The following SLC25A21 variants were observed in gnomAD, a reference collection of about 807,000 sequenced individuals.
The protein encoded by SLC25A21 is solute carrier family 25 member 21, also known as mitochondrial 2-oxodicarboxylate carrier.
In SLC25A21, 47 loss-of-function variants were observed where a neutral mutation model predicts 43.8. That is an observed-to-expected ratio of 1.07 (90% confidence interval 0.85 to 1.37). SLC25A21 has a LOEUF of 1.37. Ranked by LOEUF, SLC25A21 falls within the 40% of genes most tolerant of loss-of-function variation. The probability of loss-of-function intolerance (pLI) is 0.00; values close to 1 mark genes in which losing one functional copy is unlikely to be tolerated. For missense variants in SLC25A21, 352 were observed against 350.2 expected, an observed-to-expected ratio of 1.00 and a Z score of -0.04; for synonymous variants, 131 against 121.3, an observed-to-expected ratio of 1.08 and a Z score of -0.52.
At chr14:37,121,065 T>A (rs191590894) in intron 1 of SLC25A21, among the ~76,000 whole-genome samples, 64 of 152,308 alleles carry the variant, frequency 4.2e-4, no homozygotes, top group African/African-American at 1.4e-3. Context: ...TTAAGTGACC[T>A]GAAGAAATGT....
chr14:37,171,666 AT>A (rs1336784530), intron 1 of SLC25A21, among the ~76,000 whole-genome samples: 2 of 152,066 alleles, frequency 1.3e-5, no homozygotes, highest in African/African-American at 4.8e-5. Flanking sequence ...TAATTACAAC[AT>A]TTTTTTCTAA....
At chr14:36,714,630 A>G (rs1229411781) in intron 6 of SLC25A21, among the ~76,000 whole-genome samples, 1 of 152,252 alleles carries the variant, frequency 6.6e-6, no homozygotes, top group Non-Finnish European at 1.5e-5. Flanking sequence ...TCCAGCCTAG[A>G]AAACACATTT....
intron 7 of SLC25A21, among the ~76,000 whole-genome samples, chr14:36,708,265 ATG>A (rs1883663660): frequency 6.6e-6 from 1 of 152,204 alleles, no homozygotes; most frequent in African/African-American, 2.4e-5. Flanking sequence ...GATGAACAAA[ATG>A]TATCTTTTAT....
At chr14:36,973,011 A>T (rs939572937) in intron 1 of SLC25A21, among the ~76,000 whole-genome samples, 3 of 119,926 alleles carry the variant, frequency 2.5e-5, no homozygotes, top group Non-Finnish European at 3.0e-5. Flanking sequence ...TTTTATTTTT[A>T]TTTATTTATT....
intron 1 of SLC25A21, among the ~76,000 whole-genome samples, chr14:37,025,996 G>A (rs139568836): frequency 7.1e-4 from 108 of 152,100 alleles, no homozygotes; most frequent in Admixed American, 1.1e-3. Flanking sequence ...GATGGGAGTC[G>A]GGAGCTAACC....
chr14:36,783,711 GA>G (rs1450357512), intron 3 of SLC25A21, among the ~76,000 whole-genome samples: 1 of 152,166 alleles, frequency 6.6e-6, no homozygotes, highest in East Asian at 1.9e-4. Context: ...TCTCTAGATA[GA>G]TTTTTTGCTC....
chr14:36,996,332 G>A lies in SLC25A21; in HGVS notation c.71-121328C>T, dbSNP rs1001343089. Among the ~76,000 whole-genome samples the A allele has an allele frequency of 5.9e-5, 9 of 151,960 alleles. No individual in the cohort carries two copies. In the South Asian group the frequency reaches 6.2e-4, roughly 11 times the overall value. ...GCCTTAACTAGGTCCTCACCTGGTC[G>A]GCATTAGATAAGAATTACTTTCTAT... On this transcript the variant is annotated intron_variant, in intron 1 of 9. Coordinates refer to ENST00000331299, the MANE Select transcript of SLC25A21 (RefSeq NM_030631.4).
intron 1 of SLC25A21, among the ~76,000 whole-genome samples, chr14:36,934,332 T>C (rs1484970589): frequency 1.3e-5 from 2 of 152,044 alleles, no homozygotes. Flanking sequence ...ATCTCTATAA[T>C]TGAAGTGCTG....
At chr14:36,818,875 CT>C (rs769339871) in intron 2 of SLC25A21, among the ~76,000 whole-genome samples, 39 of 152,280 alleles carry the variant, frequency 2.6e-4, no homozygotes, top group Admixed American at 1.6e-3. Flanking sequence ...ATTCTCTCTA[CT>C]TAGGGAGACA....
At chr14:36,861,299 A>G (rs1890059245) in intron 2 of SLC25A21, among the ~76,000 whole-genome samples, 1 of 152,218 alleles carries the variant, frequency 6.6e-6, no homozygotes, top group Admixed American at 6.5e-5. Flanking sequence ...ACAGAAAGGA[A>G]AAACAATCTT....
intron 2 of SLC25A21, among the ~76,000 whole-genome samples, chr14:36,850,089 G>A (rs547627276): frequency 8.3e-4 from 126 of 152,166 alleles, no homozygotes; most frequent in African/African-American, 2.9e-3. Flanking sequence ...TTTAGGGATG[G>A]GGTGCATATA....
At chr14:36,939,888 TAAG>T (rs1262600117) in intron 1 of SLC25A21, among the ~76,000 whole-genome samples, 1 of 152,096 alleles carries the variant, frequency 6.6e-6, no homozygotes, top group Non-Finnish European at 1.5e-5. Context: ...CTCACAGAAA[TAAG>T]AAGATCTGGT....
At chr14:36,918,214 C>T (rs1891884662) in intron 1 of SLC25A21, among the ~76,000 whole-genome samples, 1 of 152,044 alleles carries the variant, frequency 6.6e-6, no homozygotes, top group Non-Finnish European at 1.5e-5. Context: ...TTCAAAAAAC[C>T]TGAAACATCA....
chr14:36,814,053 C>T (rs1026259674), intron 2 of SLC25A21, 52 bp from the exon 3 acceptor site: 3 of 1,249,768 alleles, frequency 2.4e-6, no homozygotes, highest in African/African-American at 3.0e-5. Context: ...TGCCAAATGG[C>T]TTTTCTCATT....
At chr14:36,980,917 G>A (rs1960004535) in intron 1 of SLC25A21, among the ~76,000 whole-genome samples, 1 of 152,150 alleles carries the variant, frequency 6.6e-6, no homozygotes, top group South Asian at 2.1e-4. Context: ...TACAGAATGG[G>A]AGAAAATTTT....
At chr14:37,161,194 G>A (rs12883655) in intron 1 of SLC25A21, among the ~76,000 whole-genome samples, 59,974 of 151,848 alleles carry the variant, frequency 0.39, 12,738 homozygotes, top group African/African-American at 0.56. Flanking sequence ...AGAGTGACCA[G>A]ATAAAAAGAA....
chr14:36,855,845 C>G (rs1889881247), intron 2 of SLC25A21, among the ~76,000 whole-genome samples: 1 of 152,166 alleles, frequency 6.6e-6, no homozygotes, highest in African/African-American at 2.4e-5. Context: ...TTCCCTTAAC[C>G]CAGTGGTTCT....
At position 36,821,646 on chromosome 14, in the gene SLC25A21, ATC is replaced by A. The variant is rs765898109; in HGVS notation, c.120-7647_120-7646del. Among the ~76,000 whole-genome samples, 63 of 152,096 alleles carry A rather than the reference ATC, an allele frequency of 4.1e-4. 1 individual carries two copies. Among genetic ancestry groups the A allele is most frequent in the Admixed American group, 6.6e-4 (10 of 15,266 alleles). On this transcript the variant is annotated intron_variant, in intron 2 of 9. Coordinates refer to ENST00000331299, the MANE Select transcript of SLC25A21 (RefSeq NM_030631.4). ...AGCCTGGCCAACATGGTGAAACTCT[ATC>A]TCTACTAAAAATACGAAAATTAGCC...
chr14:37,010,361 T>C (rs141967531), intron 1 of SLC25A21, among the ~76,000 whole-genome samples: 5 of 152,334 alleles, frequency 3.3e-5, no homozygotes, highest in African/African-American at 9.6e-5. Flanking sequence ...CTACCTCCTA[T>C]TGCCATAGGT....
Sources: gnomAD v4.1 joint callset for allele counts (sites outside exome capture counted in the v4.1 genomes callset) on GRCh38, gnomAD v4.1.1 for gene constraint, MANE v1.5 for transcripts, NCBI Gene and HGNC (gene_info 2026-07-23, HGNC 2026-07-21) for gene names.